The following TPD52 variants were observed in gnomAD, a reference collection of about 807,000 sequenced individuals.
TPD52 encodes prostate and colon associated protein.
In TPD52, 17 loss-of-function variants were observed where a neutral mutation model predicts 31.3. The ratio of observed to expected loss-of-function variants is 0.54; its 90% confidence interval spans 0.37 to 0.82. TPD52 has a LOEUF of 0.82. Among genes scored for constraint, TPD52 ranks in the 40% least tolerant of loss-of-function variants. The probability of loss-of-function intolerance (pLI) is 0.00; values close to 1 mark genes in which losing one functional copy is unlikely to be tolerated. For synonymous variants in TPD52, 83 were observed against 89.6 expected, an observed-to-expected ratio of 0.93 and a Z score of 0.42; for missense variants, 212 against 240.1, an observed-to-expected ratio of 0.88 and a Z score of 0.77.
intron 1 of TPD52, among the ~76,000 whole-genome samples, chr8:80,165,223 C>T (rs1811636300): frequency 6.6e-6 from 1 of 152,178 alleles, no homozygotes; most frequent in Non-Finnish European, 1.5e-5. Context: ...AACATCCTGG[C>T]CACATGGCAA....
At chr8:80,095,970 T>C (rs1245603405) in intron 1 of TPD52, among the ~76,000 whole-genome samples, 1 of 105,888 alleles carries the variant, frequency 9.4e-6, no homozygotes, top group Non-Finnish European at 1.8e-5. Context: ...ACATACATAC[T>C]ATCGGCCAGG....
chr8:80,144,740 C>A (rs991543822), intron 1 of TPD52, among the ~76,000 whole-genome samples: 2 of 152,206 alleles, frequency 1.3e-5, no homozygotes, highest in African/African-American at 2.4e-5. Flanking sequence ...TTGGGGCAGA[C>A]AGGTGTTGGA....
chr8:80,048,413 A>G (rs75749949), intron 5 of TPD52, among the ~76,000 whole-genome samples: 1,615 of 152,356 alleles, frequency 0.011, 26 homozygotes, highest in African/African-American at 0.036. Flanking sequence ...CACCGGCATA[A>G]GTTTGCCAGG....
At chr8:80,111,602 G>A (rs1807500892) in intron 1 of TPD52, among the ~76,000 whole-genome samples, 1 of 152,194 alleles carries the variant, frequency 6.6e-6, no homozygotes, top group Admixed American at 6.5e-5. Context: ...TGATCATATA[G>A]AATGATGCAA....
intron 1 of TPD52, among the ~76,000 whole-genome samples, chr8:80,164,061 A>G (rs1444849264): frequency 6.7e-6 from 1 of 149,498 alleles, no homozygotes; most frequent in Non-Finnish European, 1.5e-5. Flanking sequence ...AGAGACAGAC[A>G]GACAGAAAGG....
At chr8:80,128,995 T>G (rs941671664) in intron 1 of TPD52, among the ~76,000 whole-genome samples, 1 of 152,086 alleles carries the variant, frequency 6.6e-6, no homozygotes, top group Non-Finnish European at 1.5e-5. Context: ...TAAAAAACAT[T>G]AAGCCTTTGA....
chr8:80,062,530 A>T (rs1320845966), intron 2 of TPD52, among the ~76,000 whole-genome samples: 1 of 152,244 alleles, frequency 6.6e-6, no homozygotes, highest in Admixed American at 6.5e-5. Flanking sequence ...CCATAATGAG[A>T]TATCACTTCA....
chr8:80,150,797 C>A (rs1810519290), intron 1 of TPD52, among the ~76,000 whole-genome samples: 1 of 151,882 alleles, frequency 6.6e-6, no homozygotes, highest in Non-Finnish European at 1.5e-5. Context: ...AACTAACTTG[C>A]TTTTGATTTT....
At chr8:80,034,634 C>G (rs1435710322), downstream of TPD52, 1 of 152,088 alleles carries the variant, frequency 6.6e-6, no homozygotes, top group Non-Finnish European at 1.5e-5. Context: ...TGGAAGAATT[C>G]TAATACTAAA....
At chr8:80,101,840 C>T (rs1315484868) in intron 1 of TPD52, among the ~76,000 whole-genome samples, 1 of 152,222 alleles carries the variant, frequency 6.6e-6, no homozygotes, top group Non-Finnish European at 1.5e-5. Context: ...ACACTTCCAA[C>T]ACCGGGGAGT....
chr8:80,099,802 C>A (rs1245587118), intron 1 of TPD52, among the ~76,000 whole-genome samples: 1 of 152,196 alleles, frequency 6.6e-6, no homozygotes, highest in Non-Finnish European at 1.5e-5. Context: ...TAAGCCAGCG[C>A]GCCCAGCTGG....
chr8:80,077,759 A>G (rs1275708358), intron 1 of TPD52, among the ~76,000 whole-genome samples: 1 of 152,194 alleles, frequency 6.6e-6, no homozygotes, highest in Non-Finnish European at 1.5e-5. Flanking sequence ...TCATTCATGC[A>G]TTCCACAAAG....
intron 1 of TPD52, among the ~76,000 whole-genome samples, chr8:80,153,620 A>C (rs1177145757): frequency 6.6e-6 from 1 of 152,262 alleles, no homozygotes; most frequent in Non-Finnish European, 1.5e-5. Flanking sequence ...TTATTAAATA[A>C]ATCACCTCCA....
intron 1 of TPD52, among the ~76,000 whole-genome samples, chr8:80,115,733 TA>T (rs990699416): frequency 6.6e-6 from 1 of 152,306 alleles, no homozygotes; most frequent in Admixed American, 6.5e-5. Flanking sequence ...TCTTGAAGCC[TA>T]ACAGAGCCTA....
At chr8:80,169,647 A>C (rs951018910) in intron 1 of TPD52, among the ~76,000 whole-genome samples, 26 of 152,214 alleles carry the variant, frequency 1.7e-4, no homozygotes, top group African/African-American at 6.0e-4. Context: ...AGTTATTCTA[A>C]AAACATCATT....
intron 1 of TPD52, among the ~76,000 whole-genome samples, chr8:80,132,493 C>A (rs1809089802): frequency 1.3e-5 from 2 of 152,190 alleles, no homozygotes; most frequent in Admixed American, 6.5e-5. Flanking sequence ...CAGGTGTGAG[C>A]CACCATGCCA....
At chr8:80,063,927 GGGA>G (rs1812824659) in intron 2 of TPD52, among the ~76,000 whole-genome samples, 2 of 131,614 alleles carry the variant, frequency 1.5e-5, no homozygotes. Context: ...GGGAGGGAGG[GGGA>G]GGGGGGGCGG....
At chr8:80,167,768 G>GT (rs1225107802) in intron 1 of TPD52, among the ~76,000 whole-genome samples, 2 of 152,096 alleles carry the variant, frequency 1.3e-5, no homozygotes, top group African/African-American at 4.8e-5. Context: ...TTCCTCTCTA[G>GT]TTTTTTGGCC....
At chr8:80,141,809 C>A (rs1042701179) in intron 1 of TPD52, among the ~76,000 whole-genome samples, 13 of 151,980 alleles carry the variant, frequency 8.6e-5, no homozygotes, top group Admixed American at 1.3e-4. Flanking sequence ...ACTTGGGAAG[C>A]TGAGGCAGGA....
Sources: allele counts gnomAD v4.1 joint callset (sites outside exome capture counted in the v4.1 genomes callset), GRCh38; gene constraint gnomAD v4.1.1; transcripts MANE v1.5; gene names NCBI Gene and HGNC (gene_info 2026-07-23, HGNC 2026-07-21).